Variants in PRKD1 observed in about 807,000 individuals in gnomAD.
PRKD1 encodes serine/threonine-protein kinase D1.
In PRKD1, 63 loss-of-function variants were observed where a neutral mutation model predicts 95.9. That is an observed-to-expected ratio of 0.66 (90% CI 0.54 to 0.81). The LOEUF (loss-of-function observed/expected upper bound fraction) is 0.81, where lower values mean the gene tolerates loss of function less well. Ranked by LOEUF, PRKD1 falls within the 30% of genes least tolerant of loss-of-function variation. PRKD1 has a pLI of 0.00. For missense variants in PRKD1, 1,048 were observed against 1,165.3 expected, an observed-to-expected ratio of 0.90 and a Z score of 1.47; for synonymous variants, 425 against 423.1, an observed-to-expected ratio of 1.00 and a Z score of -0.05.
At chr14:29,738,585 AT>A (rs1380138689) in intron 1 of PRKD1, among the ~76,000 whole-genome samples, 1 of 151,862 alleles carries the variant, frequency 6.6e-6, no homozygotes, top group Non-Finnish European at 1.5e-5. Context: ...ACCTTTTTTT[AT>A]TTTTTAACCC....
At chr14:29,584,703 A>C (rs565928356) in intron 16 of PRKD1, among the ~76,000 whole-genome samples, 1 of 152,182 alleles carries the variant, frequency 6.6e-6, no homozygotes, top group Non-Finnish European at 1.5e-5. Flanking sequence ...TATTGTATGC[A>C]TATGGTTTGT....
At chr14:29,791,978 T>A (rs575866798) in intron 1 of PRKD1, among the ~76,000 whole-genome samples, 1 of 152,216 alleles carries the variant, frequency 6.6e-6, no homozygotes, top group South Asian at 2.1e-4. Context: ...AACTTCCAGT[T>A]CCTTCAGATA....
chr14:29,755,375 A>G (rs999695567), intron 1 of PRKD1, among the ~76,000 whole-genome samples: 9 of 152,260 alleles, frequency 5.9e-5, no homozygotes, highest in African/African-American at 1.9e-4. Flanking sequence ...CTTGTACCTC[A>G]CATTTTCTAA....
intron 4 of PRKD1, among the ~76,000 whole-genome samples, chr14:29,641,023 A>G (rs963948143): frequency 1.3e-5 from 2 of 152,152 alleles, no homozygotes; most frequent in African/African-American, 2.4e-5. Flanking sequence ...AACTATAATT[A>G]TTTTTGAGAG....
Position 29,577,261 on chromosome 14 carries a change from C to A in PRKD1, c.2716G>T (p.Gly906Cys), listed in dbSNP as rs777521591. The change falls in exon 18 of 18, where the codon GGT becomes TGT. Residue 906 changes from glycine to cysteine, a missense_variant. Transcript: ENST00000331968. ...ETEETEMKAL[G>C]ERVSIL ...ACTCAGAGGATGCTGACACGCTCAC[C>A]GAGGGCTTTCATTTCTGTTTCTTCA... 3.7e-6 allele frequency: 6 copies of A among 1,613,370 alleles called. No individual in the cohort carries two copies. Among genetic ancestry groups the A allele is most frequent in the Non-Finnish European group, 5.1e-6 (6 of 1,179,612 alleles).
chr14:29,728,733 TG>T (rs1886292893), intron 1 of PRKD1, among the ~76,000 whole-genome samples: 1 of 152,196 alleles, frequency 6.6e-6, no homozygotes. Flanking sequence ...AAAAATGCAA[TG>T]AACATTATGT....
In PRKD1 at chr14:29,675,968, G is replaced by T. The variant is rs531511141; in HGVS notation, c.404-9760C>A. On this transcript the variant is annotated intron_variant, in intron 2 of 17. Coordinates refer to ENST00000331968, the MANE Select transcript of PRKD1 (RefSeq NM_002742.3). ...CACAGGAAGGGGAACATCACACATC[G>T]GGGCCTGTCGTGGGGTGGGGGGTGG... Among the ~76,000 whole-genome samples the T allele has an allele frequency of 1.3e-3, 170 of 127,724 alleles. 1 individual carries two copies. The highest frequency in any genetic ancestry group is 4.3e-3 in the African/African-American group (152 of 34,980). 83.8% of individuals were successfully genotyped at this position (127,724 alleles called of 152,430 possible). A position where few individuals can be genotyped will look rare whatever the true frequency, so the allele number is the denominator to read the frequency against.
chr14:29,601,307 T>A (rs1363442581), intron 13 of PRKD1, among the ~76,000 whole-genome samples: 2 of 152,222 alleles, frequency 1.3e-5, no homozygotes, highest in African/African-American at 2.4e-5. Flanking sequence ...GAGTCCTTTT[T>A]CTACTTTGCC....
In PRKD1 at chr14:29,629,468, C is replaced by T. The variant is rs542276310; in HGVS notation, c.1673-375G>A. Reference sequence around the variant, plus strand: ...GTCTACCTGTTGGAATTCGATTAGGCATTAAAATAGAGGTCTCATATAAAG... The same window carrying T: ...GTCTACCTGTTGGAATTCGATTAGGTATTAAAATAGAGGTCTCATATAAAG... On this transcript the variant is annotated intron_variant, in intron 10 of 17. Transcript: ENST00000331968. Among the ~76,000 whole-genome samples the T allele has an allele frequency of 1.1e-4, 16 of 151,970 alleles. No homozygotes were observed. The South Asian group carries it at 3.1e-3, about 30-fold the overall frequency.
intron 1 of PRKD1, among the ~76,000 whole-genome samples, chr14:29,827,548 A>G (rs1395145489): frequency 6.6e-6 from 1 of 152,124 alleles, no homozygotes; most frequent in East Asian, 1.9e-4. Context: ...GTCAAGGAAT[A>G]ACAAAGTGAT....
intron 1 of PRKD1, among the ~76,000 whole-genome samples, chr14:29,770,471 A>T (rs1473426555): frequency 6.6e-6 from 1 of 152,220 alleles, no homozygotes; most frequent in Non-Finnish European, 1.5e-5. Flanking sequence ...AGAGGTCGTG[A>T]TCAAAATGCT....
chr14:29,653,463 A>T lies in PRKD1; in HGVS notation c.696+10236T>A, dbSNP rs75484732. Reference sequence around the variant, plus strand: ...TTTAGTAAAGTTATTTAATTTTTTAAAAAAAATCCATAATGTAAAAAATGC... The same window carrying T: ...TTTAGTAAAGTTATTTAATTTTTTATAAAAAATCCATAATGTAAAAAATGC... On this transcript the variant is annotated intron_variant, in intron 4 of 17. Transcript: ENST00000331968. Among the ~76,000 whole-genome samples, 407 of 152,260 alleles carry T rather than the reference A, an allele frequency of 2.7e-3. 7 individuals are homozygous for T. In the East Asian group the frequency reaches 0.031, roughly 12 times the overall value.
rs779548388 is a variant in PRKD1, at chr14:29,631,000, A to T, written c.1414T>A (p.Leu472Met). 1 of 1,609,288 alleles carries T rather than the reference A, an allele frequency of 6.2e-7. No individual in the cohort carries two copies. Among genetic ancestry groups the T allele is most frequent in the Non-Finnish European group, 8.5e-7 (1 of 1,176,736 alleles). Residue 472 changes from leucine to methionine, a missense_variant, in exon 10 of 18, where the codon TTG becomes ATG. Leu to Met is a conservative substitution (Grantham distance 15, BLOSUM62 2). This residue lies in a region of PRKD1 where 739 missense variants were observed against 861.9 expected (regional missense o/e 0.86). Coordinates refer to ENST00000331968, the MANE Select transcript of PRKD1 (RefSeq NM_002742.3). ...GAAGTTTTTACTGGTTCCAGAGACA[A>T]AATTTCAGATAAAGGAATTTCCTGT... ...YYKEIPLSEI[L>M]SLEPVKTSAL...
chr14:29,723,546 T>C (rs1886000201), intron 2 of PRKD1, among the ~76,000 whole-genome samples: 2 of 152,106 alleles, frequency 1.3e-5, no homozygotes, highest in Non-Finnish European at 2.9e-5. Flanking sequence ...TAAAAAACTA[T>C]TGTAAACATA....
chr14:29,723,413 G>A (rs996223515), intron 2 of PRKD1, among the ~76,000 whole-genome samples: 5 of 152,054 alleles, frequency 3.3e-5, no homozygotes, highest in East Asian at 3.9e-4. Flanking sequence ...CATAAAGACC[G>A]GGAAAAAGAA....
intron 1 of PRKD1, among the ~76,000 whole-genome samples, chr14:29,828,568 C>T (rs1891285479): frequency 6.6e-6 from 1 of 152,016 alleles, no homozygotes; most frequent in African/African-American, 2.4e-5. Context: ...CTTGTTAGTC[C>T]TTGGATCTTT....
chr14:29,702,979 A>G (rs1448920128), intron 2 of PRKD1, among the ~76,000 whole-genome samples: 1 of 151,988 alleles, frequency 6.6e-6, no homozygotes, highest in Non-Finnish European at 1.5e-5. Context: ...TTCTATTTTT[A>G]TTTTATTTTA....
At chr14:29,608,997 A>G (rs1878227164) in intron 13 of PRKD1, among the ~76,000 whole-genome samples, 1 of 152,200 alleles carries the variant, frequency 6.6e-6, no homozygotes, top group Non-Finnish European at 1.5e-5. Context: ...ACATGACTTC[A>G]ACAAGACCAA....
chr14:29,856,431 C>G (rs1419325326), intron 1 of PRKD1, among the ~76,000 whole-genome samples: 1 of 152,102 alleles, frequency 6.6e-6, no homozygotes. Context: ...AAAAAAGACA[C>G]TAAAAACACA....
Sources: allele counts gnomAD v4.1 joint callset (sites outside exome capture counted in the v4.1 genomes callset), GRCh38; gene constraint gnomAD v4.1.1; regional missense constraint gnomAD v4.1.1; transcripts MANE v1.5; gene names NCBI Gene and HGNC (gene_info 2026-07-23, HGNC 2026-07-21).